PADI6: variants seen among roughly 807,000 people sequenced by gnomAD.
PADI6 encodes the protein peptidyl arginine deiminase 6.
Under a neutral mutation model 78.2 loss-of-function variants are expected in PADI6, and 66 were observed. The ratio of observed to expected loss-of-function variants is 0.84; its 90% confidence interval spans 0.69 to 1.04. PADI6 has a LOEUF of 1.04. PADI6 is among the 50% of genes least tolerant of loss of function. The pLI is 0.00. For missense variants in PADI6, 854 were observed against 866.1 expected, an observed-to-expected ratio of 0.99 and a Z score of 0.18; for synonymous variants, 397 against 346.9, an observed-to-expected ratio of 1.14 and a Z score of -1.60.
At chr1:17,390,156 C>T (rs996735116) in intron 8 of PADI6, among the ~76,000 whole-genome samples, 1 of 147,956 alleles carries the variant, frequency 6.8e-6, no homozygotes, top group Non-Finnish European at 1.5e-5. Flanking sequence ...AAAAATTAGC[C>T]AGATGTGGTA....
rs1032535077 is a variant in PADI6 at position 17,399,779 on chromosome 1, C to T, written c.1851+932C>T. 5.3e-5 allele frequency among the ~76,000 whole-genome samples: 8 copies of T among 150,128 alleles called. No homozygotes were observed. The East Asian group carries it at 6.0e-4, about 11-fold the overall frequency. On this transcript the variant is annotated intron_variant, in intron 15 of 15. Transcript: ENST00000619609. ...GGGCCAGGGTGCAGTGGCTCATGCCCGTAATCTCAGCACTTTGGGAGGCTG... is the reference window on the plus strand; with the variant it reads ...GGGCCAGGGTGCAGTGGCTCATGCCTGTAATCTCAGCACTTTGGGAGGCTG...
At position 17,375,356 on chromosome 1, in the gene PADI6, A is replaced by G. The variant is rs74058752; in HGVS notation, c.295-71A>G. 2.4e-3 allele frequency: 3,425 copies of G among 1,404,208 alleles called. 71 individuals are homozygous for G. In the African/African-American group the frequency reaches 0.042, roughly 17 times the overall value. The allele number at this position is 1,404,208 out of a possible 1,614,324, so 87.0% of individuals were successfully genotyped here. A position where few individuals can be genotyped will look rare whatever the true frequency, so the allele number is the denominator to read the frequency against. On this transcript the variant is annotated intron_variant, in intron 2 of 15. Transcript: ENST00000619609. ...AAGATCCCACGCCTAGACTCGGCAC[A>G]TGGCCTGGGGCTCTGTTCCTGGCAC...
In PADI6 at chr1:17,397,169, C is replaced by G. The variant is rs767255784; in HGVS notation, c.1689+28C>G. 1.2e-5 allele frequency: 20 copies of G among 1,611,732 alleles called. No homozygotes were observed. In the Admixed American group the frequency reaches 1.5e-4, roughly 12 times the overall value. On this transcript the variant is annotated intron_variant, in intron 14 of 15. Transcript: ENST00000619609. ...AGGACCAGTGTGAAGGGGGCCATCC[C>G]CAAGAAAGAGCTGGTGCCGCAGGTC...
At chr1:17,394,586 CT>C in intron 11 of PADI6, 132 bp downstream of exon 11, 7 of 1,025,038 alleles carry the variant, frequency 6.8e-6, no homozygotes, top group Non-Finnish European at 9.7e-6. Flanking sequence ...GACATTTGAG[CT>C]TTTGATTCAC....
intron 14 of PADI6, among the ~76,000 whole-genome samples, chr1:17,397,474 G>A (rs1318880104): frequency 6.6e-6 from 1 of 152,158 alleles, no homozygotes; most frequent in Non-Finnish European, 1.5e-5. Context: ...GGGGCAGGGA[G>A]GAGCGCCATG....
At chr1:17,395,477 A>G in intron 12 of PADI6, 63 bp from the exon 13 acceptor site, 1 of 1,528,686 alleles carries the variant, frequency 6.5e-7, no homozygotes, top group Non-Finnish European at 8.8e-7. Flanking sequence ...TGCTGGGATT[A>G]CAGATATGAG....
chr1:17,375,566 T>C, intron 3 of PADI6, 67 bp downstream of exon 3: 1 of 1,422,888 alleles, frequency 7.0e-7, no homozygotes, highest in South Asian at 1.2e-5. Context: ...GGGGTGGGAT[T>C]GTAGGAGGAG....
chr1:17,399,244 T>C (rs1036800599), intron 15 of PADI6, among the ~76,000 whole-genome samples: 2 of 152,194 alleles, frequency 1.3e-5, no homozygotes, highest in Non-Finnish European at 2.9e-5. Context: ...GGTCTTCCTG[T>C]CCGCTATCTC....
rs1285990752 is a variant in PADI6 at position 17,373,252 on chromosome 1, G to C, written c.294+19G>C. On this transcript the variant is annotated intron_variant, in intron 2 of 15. Transcript: ENST00000619609. ...GGATAAGGTAAGCCTCAGGGGAAGA[G>C]GTGAGGGGCATCTCCCGGGGTGGGA... The C allele has an allele frequency of 6.2e-7, 1 of 1,610,754 alleles. No individual in the cohort carries two copies. The highest frequency in any genetic ancestry group is 1.3e-5 in the African/African-American group (1 of 74,984).
rs76051106 is a variant in PADI6, at chr1:17,394,473, C to T, written c.1337+19C>T. ...ACCCCAGGTGAGCCACAAAGCCAGA[C>T]GCCTCCAAATGAAAGGAAGGGACCA... On this transcript the variant is annotated intron_variant, in intron 11 of 15. Transcript: ENST00000619609. 1.7e-3 allele frequency: 2,734 copies of T among 1,608,670 alleles called. 52 individuals carry two copies. The African/African-American group carries it at 0.03, about 18-fold the overall frequency.
At chr1:17,379,720 T>G (rs2075054462) in intron 3 of PADI6, among the ~76,000 whole-genome samples, 200 bp from the exon 4 acceptor site, 1 of 152,158 alleles carries the variant, frequency 6.6e-6, no homozygotes, top group Non-Finnish European at 1.5e-5. Flanking sequence ...GGGTAGACAT[T>G]TGACTACTTG....
intron 3 of PADI6, among the ~76,000 whole-genome samples, chr1:17,377,932 T>A (rs552700732): frequency 2.6e-5 from 4 of 152,264 alleles, no homozygotes; most frequent in Non-Finnish European, 4.4e-5. Context: ...CCAAAGTCGC[T>A]GCCCACGAAA....
At chr1:17,400,039 ACAAAC>A (rs1382086756) in intron 15 of PADI6, among the ~76,000 whole-genome samples, 1 of 143,380 alleles carries the variant, frequency 7.0e-6, no homozygotes, top group African/African-American at 2.9e-5. Flanking sequence ...TCCCAAAAAA[ACAAAC>A]AAAACAAAAC....
chr1:17,385,445 G>A (rs1380506878), intron 6 of PADI6, among the ~76,000 whole-genome samples: 1 of 152,114 alleles, frequency 6.6e-6, no homozygotes, highest in Non-Finnish European at 1.5e-5. Flanking sequence ...ATGGAGGGTG[G>A]GGATCGGTAG....
At chr1:17,397,214 C>G in intron 14 of PADI6, 73 bp downstream of exon 14, 2 of 1,542,040 alleles carry the variant, frequency 1.3e-6, no homozygotes, top group South Asian at 1.1e-5. Flanking sequence ...GGTTTCCACC[C>G]ACCCCTCCTG....
chr1:17,382,530 A>G (rs930451256), intron 6 of PADI6, among the ~76,000 whole-genome samples: 2 of 152,228 alleles, frequency 1.3e-5, no homozygotes, highest in Non-Finnish European at 2.9e-5. Context: ...AGCGGCAGCC[A>G]CGGTAGCACC....
chr1:17,377,123 C>T (rs149795769), intron 3 of PADI6, among the ~76,000 whole-genome samples: 1,995 of 152,128 alleles, frequency 0.013, 50 homozygotes, highest in African/African-American at 0.045. Context: ...TACAGGCACG[C>T]ACCACCATGC....
intron 15 of PADI6, among the ~76,000 whole-genome samples, chr1:17,399,976 A>G (rs1386581198): frequency 1.3e-5 from 2 of 151,934 alleles, no homozygotes; most frequent in African/African-American, 4.8e-5. Context: ...CAGAGGTTGC[A>G]GTGAGCCAAG....
At chr1:17,380,967 C>A in intron 4 of PADI6, 80 bp from the exon 5 acceptor site, 1 of 1,191,082 alleles carries the variant, frequency 8.4e-7, no homozygotes, top group Non-Finnish European at 1.2e-6. Flanking sequence ...TTGGCTGGGC[C>A]CCTCTGCTAT....
Sources: gnomAD v4.1 joint callset for allele counts (sites outside exome capture counted in the v4.1 genomes callset) on GRCh38, gnomAD v4.1.1 for gene constraint, MANE v1.5 for transcripts, NCBI Gene and HGNC (gene_info 2026-07-23, HGNC 2026-07-21) for gene names.